The following ERBB4 variants were observed in gnomAD, a reference collection of about 807,000 sequenced individuals.
The protein encoded by ERBB4 is receptor tyrosine-protein kinase erbB-4.
Under a neutral mutation model 158.0 loss-of-function variants are expected in ERBB4, and 42 were observed. The observed-to-expected ratio is 0.27, with a 90% CI of 0.21 to 0.34. The LOEUF (loss-of-function observed/expected upper bound fraction) is 0.34. Ranked by LOEUF, ERBB4 falls within the 10% of genes least tolerant of loss-of-function variation. The pLI is 1.00. For missense variants in ERBB4, 1,333 were observed against 1,624.1 expected (o/e 0.82, Z 3.08); for synonymous variants, 583 against 558.7 (o/e 1.04, Z -0.61).
chr2:212,176,347 G>A (rs2081662601), intron 1 of ERBB4, among the ~76,000 whole-genome samples: 1 of 151,898 alleles, frequency 6.6e-6, no homozygotes, highest in Non-Finnish European at 1.5e-5. Context: ...ATGAGGTAAT[G>A]AGGGTGAGGC....
intron 17 of ERBB4, among the ~76,000 whole-genome samples, chr2:211,627,463 A>G (rs2069904637): frequency 6.6e-6 from 1 of 152,256 alleles, no homozygotes; most frequent in Admixed American, 6.5e-5. Flanking sequence ...AATTGCAGAT[A>G]ACTTTATTCC....
intron 9 of ERBB4, among the ~76,000 whole-genome samples, chr2:211,707,072 C>T (rs1024252853): frequency 2.0e-5 from 3 of 152,072 alleles, no homozygotes; most frequent in Admixed American, 6.6e-5. Flanking sequence ...CAGCTCAGGT[C>T]GTATAATCAA....
intron 19 of ERBB4, among the ~76,000 whole-genome samples, chr2:211,607,888 T>TTTTTTTTTTTTTTTTTTTTTTTTTTTTTC (rs35895749): frequency 8.4e-6 from 1 of 118,864 alleles, no homozygotes; most frequent in Non-Finnish European, 1.8e-5. Flanking sequence ...TTTTTTTTTT[T>TTTTTTTTTTTTTTTTTTTTTTTTTTTTTC]AGACAGGGTC....
chr2:211,571,021 ACT>A lies in ERBB4; in HGVS notation c.2302-8935_2302-8934del, dbSNP rs2067708599. ...TTTATCCTACCTGTCCTGATTTTTC[ACT>A]CTCTGAGTACTCTTCTTCTTTTTTT... On this transcript the variant is annotated intron_variant, in intron 19 of 27. Coordinates refer to ENST00000342788, the MANE Select transcript of ERBB4 (RefSeq NM_005235.3). Among the ~76,000 whole-genome samples, 5 of 137,872 alleles carry A rather than the reference ACT, an allele frequency of 3.6e-5. No homozygotes were observed. The South Asian group carries it at 9.3e-4, about 26-fold the overall frequency. 90.4% of individuals were successfully genotyped at this position (137,872 alleles called of 152,430 possible).
intron 2 of ERBB4, among the ~76,000 whole-genome samples, chr2:211,991,818 T>C (rs2082080873): frequency 6.6e-6 from 1 of 152,158 alleles, no homozygotes; most frequent in Non-Finnish European, 1.5e-5. Flanking sequence ...GCCTGGCGTC[T>C]GGATTTCTCC....
intron 1 of ERBB4, among the ~76,000 whole-genome samples, chr2:212,282,421 A>G (rs1170960183): frequency 6.6e-6 from 1 of 151,942 alleles, no homozygotes; most frequent in East Asian, 1.9e-4. Context: ...TCACAACTGC[A>G]CTTGAGGTAA....
chr2:211,725,110 C>A lies in ERBB4; in HGVS notation c.707G>T (p.Gly236Val), dbSNP rs1293263605. 1.2e-6 allele frequency: 2 copies of A among 1,613,742 alleles called. No individual in the cohort carries two copies. Among genetic ancestry groups the A allele is most frequent in the Non-Finnish European group, 1.7e-6 (2 of 1,179,836 alleles). ...TGTGTCCTTAGGTCCTGAGCAGCCT[C>A]CAGCACATTCTCGATGGCAGCAGTC... ...VSDCCHRECA[G>V]GCSGPKDTDC... The change falls in exon 6 of 28, where the codon GGA becomes GTA. Residue 236 changes from glycine (G) to valine (V), a missense_variant. Gly to Val is a moderately radical substitution (Grantham distance 109). Transcript: ENST00000342788.
intron 19 of ERBB4, among the ~76,000 whole-genome samples, chr2:211,568,153 G>T (rs115877645): frequency 0.038 from 5,519 of 146,190 alleles, 303 homozygotes; most frequent in African/African-American, 0.13. Flanking sequence ...TTTTTTTCTT[G>T]TAGGTAAGTT....
chr2:212,399,296 T>A, intron 1 of ERBB4, among the ~76,000 whole-genome samples: 1 of 152,000 alleles, frequency 6.6e-6, no homozygotes, highest in East Asian at 1.9e-4. Context: ...TTACCAATCC[T>A]ACCTATAGAA....
chr2:211,660,597 C>T lies in ERBB4; in HGVS notation c.1872-2769G>A, dbSNP rs1335490484. 2.0e-5 allele frequency among the ~76,000 whole-genome samples: 3 copies of T among 152,120 alleles called. No homozygotes were observed. In the South Asian group the frequency reaches 6.2e-4, roughly 32 times the overall value. ...TCTAGAATTTAGTATGGCTGTCCTA[C>T]ATCTAGGTAGAAATGTTTATCAGCA... On this transcript the variant is annotated intron_variant, in intron 15 of 27. Coordinates refer to ENST00000342788, the MANE Select transcript of ERBB4 (RefSeq NM_005235.3).
chr2:212,339,439 G>C (rs1377261690), intron 1 of ERBB4, among the ~76,000 whole-genome samples: 1 of 152,160 alleles, frequency 6.6e-6, no homozygotes, highest in African/African-American at 2.4e-5. Flanking sequence ...TTACAGGTAT[G>C]TGTTGTTTTT....
chr2:211,387,174 G>A (rs2125320874), intron 26 of ERBB4, 24 bp from the exon 27 acceptor site: 1 of 1,551,930 alleles, frequency 6.4e-7, no homozygotes. Context: ...AAACATATGT[G>A]GAGAGAAGGC....
intron 1 of ERBB4, among the ~76,000 whole-genome samples, chr2:212,451,065 C>T (rs2092439131): frequency 1.3e-5 from 2 of 151,806 alleles, no homozygotes; most frequent in African/African-American, 4.8e-5. Flanking sequence ...TACTAGGCTC[C>T]CTATTATGAA....
intron 19 of ERBB4, among the ~76,000 whole-genome samples, chr2:211,583,013 T>C (rs1200036962): frequency 6.6e-6 from 1 of 152,126 alleles, no homozygotes; most frequent in Non-Finnish European, 1.5e-5. Context: ...GCATGTTTAA[T>C]ATATTTTCTT....
chr2:212,446,578 C>CATATATATATATGTATATATAT (rs1330482296), intron 1 of ERBB4, among the ~76,000 whole-genome samples: 18 of 57,220 alleles, frequency 3.1e-4, no homozygotes, highest in Admixed American at 6.7e-4. Context: ...AATAAACTCC[C>CATATATATATATGTATATATAT]ATATATATAT....
At position 212,164,592 on chromosome 2, in the gene ERBB4, G is replaced by A. The variant is rs2081293848; in HGVS notation, c.83-39689C>T. On this transcript the variant is annotated intron_variant, in intron 1 of 27. Transcript: ENST00000342788. ...GTGACTAAATATGACTCCATTTTGG[G>A]AAAATAAATAAATAAATATTATTTC... 4.6e-5 allele frequency among the ~76,000 whole-genome samples: 7 copies of A among 152,072 alleles called. No homozygotes were observed. In the South Asian group the frequency reaches 1.5e-3, roughly 32 times the overall value.
intron 2 of ERBB4, among the ~76,000 whole-genome samples, chr2:212,024,713 G>A (rs896037842): frequency 2.6e-5 from 4 of 151,862 alleles, no homozygotes; most frequent in African/African-American, 9.7e-5. Context: ...GATAAATCAT[G>A]TGACATATTC....
At chr2:211,523,760 G>C (rs748677386) in intron 20 of ERBB4, among the ~76,000 whole-genome samples, 2 of 152,074 alleles carry the variant, frequency 1.3e-5, no homozygotes, top group African/African-American at 4.8e-5. Flanking sequence ...ATTGCAAAGA[G>C]TGAAAGAACA....
chr2:211,898,746 A>AT (rs1438631824), intron 3 of ERBB4, among the ~76,000 whole-genome samples: 1 of 152,176 alleles, frequency 6.6e-6, no homozygotes, highest in Non-Finnish European at 1.5e-5. Context: ...ACTAATTTAT[A>AT]TTTCTCTTCT....
Sources: allele counts gnomAD v4.1 joint callset (sites outside exome capture counted in the v4.1 genomes callset), GRCh38; gene constraint gnomAD v4.1.1; transcripts MANE v1.5; gene names NCBI Gene and HGNC (gene_info 2026-07-23, HGNC 2026-07-21).